Variants in NUDT4 observed in about 807,000 individuals in gnomAD.
NUDT4 encodes diphosphoinositol polyphosphate phosphohydrolase 2.
Under a neutral mutation model 23.1 loss-of-function variants are expected in NUDT4, and 5 were observed. That is an observed-to-expected ratio of 0.22 (90% CI 0.11 to 0.46). The LOEUF (loss-of-function observed/expected upper bound fraction) is 0.46, where lower values mean the gene tolerates loss of function less well. Among genes scored for constraint, NUDT4 ranks in the 20% least tolerant of loss-of-function variants. NUDT4 has a pLI of 0.99. For synonymous variants in NUDT4, 50 were observed against 79.0 expected (o/e 0.63, Z 1.95); for missense variants, 96 against 211.6 (o/e 0.45, Z 3.39).
chr12:93,388,916 A>C (rs965700284), intron 1 of NUDT4, among the ~76,000 whole-genome samples: 6 of 152,212 alleles, frequency 3.9e-5, no homozygotes, highest in Non-Finnish European at 5.9e-5. Flanking sequence ...GTAGACCCTC[A>C]AAAGCATGAA....
intron 1 of NUDT4, among the ~76,000 whole-genome samples, chr12:93,384,447 G>A (rs188635458): frequency 2.3e-4 from 35 of 152,168 alleles, no homozygotes; most frequent in Admixed American, 2.0e-3. Context: ...GATTACAGGC[G>A]TGAGCCACCG....
intron 3 of NUDT4, among the ~76,000 whole-genome samples, chr12:93,398,338 C>CAAAAAAA (rs34651915): frequency 2.3e-4 from 17 of 75,234 alleles, no homozygotes; most frequent in East Asian, 3.5e-4. Flanking sequence ...CTCCCTGTCT[C>CAAAAAAA]AAAAAAAAAA....
In NUDT4 at chr12:93,405,936, T is replaced by C. The variant is rs1877787882; in HGVS notation, c.*6557T>C. 6.6e-6 allele frequency: 1 copy of C among 152,108 alleles called. No individual in the cohort carries two copies. Among genetic ancestry groups the C allele is most frequent in the African/African-American group, 2.4e-5 (1 of 41,430 alleles). The allele number at this position is 152,108 out of a possible 1,614,324, so 9.4% of individuals were successfully genotyped here. A position where few individuals can be genotyped will look rare whatever the true frequency, so the allele number is the denominator to read the frequency against. On this transcript the variant is annotated 3_prime_UTR_variant, in exon 5 of 5. Coordinates refer to ENST00000415493, the MANE Select transcript of NUDT4 (RefSeq NM_019094.6). ...TGGTATTTTCTTTTTTGGCCAGCTTTTCTAGATAAGGTTGTATTGCTACTG... is the reference window on the plus strand; with the variant it reads ...TGGTATTTTCTTTTTTGGCCAGCTTCTCTAGATAAGGTTGTATTGCTACTG...
At chr12:93,398,934 T>C (rs1877145442) in intron 4 of NUDT4, 79 bp downstream of exon 4, 2 of 1,064,278 alleles carry the variant, frequency 1.9e-6, no homozygotes, top group Non-Finnish European at 1.4e-6. Context: ...TAAGTTCCCT[T>C]TTGTTATCTG....
intron 1 of NUDT4, chr12:93,378,634 C>T (rs548860641): frequency 4.1e-6 from 5 of 1,208,132 alleles, no homozygotes; most frequent in South Asian, 3.6e-5. Context: ...TCGCCCAGCC[C>T]CAGTTTCTCC....
intron 3 of NUDT4, among the ~76,000 whole-genome samples, chr12:93,395,936 G>T (rs1876902914): frequency 6.6e-6 from 1 of 152,112 alleles, no homozygotes; most frequent in South Asian, 2.1e-4. Context: ...GGCCAGGATG[G>T]TCTCCATCTC....
rs1386166204 is a variant in NUDT4 at position 93,405,145 on chromosome 12, G to A, written c.*5766G>A. 6.6e-6 allele frequency: 1 copy of A among 152,170 alleles called. No homozygotes were observed. The highest frequency in any genetic ancestry group is 2.4e-5 in the African/African-American group (1 of 41,440). The allele number at this position is 152,170 out of a possible 1,614,324, so 9.4% of individuals were successfully genotyped here. A position where few individuals can be genotyped will look rare whatever the true frequency, so the allele number is the denominator to read the frequency against. On this transcript the variant is annotated 3_prime_UTR_variant, in exon 5 of 5. Coordinates refer to ENST00000415493, the MANE Select transcript of NUDT4 (RefSeq NM_019094.6). ...GAGAAACAGCACCAAGTTCAATCTAGTGCAATCAGCCTATCACATCTAAGC... is the reference window on the plus strand; with the variant it reads ...GAGAAACAGCACCAAGTTCAATCTAATGCAATCAGCCTATCACATCTAAGC...
At chr12:93,389,230 TG>T (rs1876313154) in intron 1 of NUDT4, among the ~76,000 whole-genome samples, 1 of 152,116 alleles carries the variant, frequency 6.6e-6, no homozygotes, top group Admixed American at 6.5e-5. Flanking sequence ...CCCAGCAGTT[TG>T]AGAGGCTGAG....
intron 1 of NUDT4, among the ~76,000 whole-genome samples, chr12:93,382,662 TC>T (rs1210847866): frequency 6.8e-6 from 1 of 146,946 alleles, no homozygotes; most frequent in Non-Finnish European, 1.5e-5. Context: ...ATAAGTACTA[TC>T]CAAAGGTAGC....
intron 1 of NUDT4, among the ~76,000 whole-genome samples, chr12:93,382,869 G>A (rs993001687): frequency 5.9e-5 from 9 of 151,930 alleles, no homozygotes; most frequent in African/African-American, 9.7e-5. Context: ...CACTGTGTTA[G>A]CCAGGATGGT....
At chr12:93,396,235 C>T (rs966717928) in intron 3 of NUDT4, among the ~76,000 whole-genome samples, 3 of 152,008 alleles carry the variant, frequency 2.0e-5, no homozygotes, top group Non-Finnish European at 2.9e-5. Flanking sequence ...ATATGATACA[C>T]CTAGTGACTT....
rs1174620368 is a variant in NUDT4 at position 93,405,826 on chromosome 12, A to AT, written c.*6448dup. The stretch of plus-strand genomic sequence containing the variant: ...GTGGCATGCCAAGTAGCTAAATGAA[A>AT]TATCATCCCAGCCCAAAAGTACTTA... On this transcript the variant is annotated 3_prime_UTR_variant, in exon 5 of 5. Coordinates refer to ENST00000415493, the MANE Select transcript of NUDT4 (RefSeq NM_019094.6). 1 of 152,212 alleles carries AT rather than the reference A, an allele frequency of 6.6e-6. No individual in the cohort carries two copies. Among genetic ancestry groups the AT allele is most frequent in the African/African-American group, 2.4e-5 (1 of 41,448 alleles). 9.4% of individuals were successfully genotyped at this position (152,212 alleles called of 1,614,324 possible).
intron 1 of NUDT4, among the ~76,000 whole-genome samples, chr12:93,389,809 G>T (rs1013274130): frequency 7.3e-5 from 11 of 150,476 alleles, no homozygotes; most frequent in African/African-American, 2.7e-4. Context: ...GCTGAGGGAG[G>T]GAATTGCTTG....
chr12:93,391,994 G>A (rs1450271847), intron 1 of NUDT4, among the ~76,000 whole-genome samples: 1 of 151,268 alleles, frequency 6.6e-6, no homozygotes, highest in African/African-American at 2.4e-5. Flanking sequence ...AGCAATTCTT[G>A]TGCCTCAGCC....
At chr12:93,388,147 C>T (rs944412592) in intron 1 of NUDT4, among the ~76,000 whole-genome samples, 4 of 152,142 alleles carry the variant, frequency 2.6e-5, no homozygotes, top group African/African-American at 9.7e-5. Flanking sequence ...ATATTAAGTA[C>T]CCATTTAAAG....
intron 1 of NUDT4, among the ~76,000 whole-genome samples, chr12:93,391,603 G>C (rs1054476167): frequency 1.3e-5 from 2 of 151,780 alleles, no homozygotes; most frequent in Non-Finnish European, 1.5e-5. Flanking sequence ...CAGGCCTGGT[G>C]GTGGGTGCCT....
chr12:93,385,534 T>C (rs1163170185), intron 1 of NUDT4, among the ~76,000 whole-genome samples: 3 of 152,184 alleles, frequency 2.0e-5, no homozygotes, highest in Admixed American at 6.5e-5. Flanking sequence ...TGAATGACCA[T>C]GTGTGGCTCT....
chr12:93,398,146 C>G (rs903458852), intron 3 of NUDT4, among the ~76,000 whole-genome samples: 4 of 151,754 alleles, frequency 2.6e-5, no homozygotes, highest in African/African-American at 9.7e-5. Flanking sequence ...TTAAGACCAT[C>G]CTGACCAACA....
chr12:93,393,090 CTT>C (rs143810374), intron 1 of NUDT4, among the ~76,000 whole-genome samples: 2,666 of 114,716 alleles, frequency 0.023, 93 homozygotes, highest in African/African-American at 0.085. Context: ...AGATTTCAGT[CTT>C]TTTTTTTTTT....
Sources: allele counts gnomAD v4.1 joint callset (sites outside exome capture counted in the v4.1 genomes callset), GRCh38; gene constraint gnomAD v4.1.1; transcripts MANE v1.5; gene names NCBI Gene and HGNC (gene_info 2026-07-23, HGNC 2026-07-21).